The following COL26A1 variants were observed in gnomAD, a reference collection of about 807,000 sequenced individuals.
COL26A1 encodes the protein collagen alpha-1(XXVI) chain.
Under a neutral mutation model 59.3 loss-of-function variants are expected in COL26A1, and 41 were observed. The observed-to-expected ratio is 0.69, with a 90% CI of 0.54 to 0.90. The LOEUF (loss-of-function observed/expected upper bound fraction) is 0.90. COL26A1 is among the 40% of genes least tolerant of loss of function. The pLI, the probability that COL26A1 is intolerant of heterozygous loss-of-function variation, is 0.00. For missense variants in COL26A1, 612 were observed against 602.3 expected, an observed-to-expected ratio of 1.02 and a Z score of -0.17; for synonymous variants, 266 against 256.0, an observed-to-expected ratio of 1.04 and a Z score of -0.37.
Position 101,545,376 on chromosome 7 carries a change from G to C in COL26A1, c.742G>C (p.Glu248Gln). ...GPPGPRGLPG[E>Q]MGRPGPPGPP... ...TCCAGGGCCCCGTGGGCTTCCTGGA[G>C]AGATGGGGCGCCCCGGCCCCCCAGG... The change falls in exon 7 of 13, where the codon GAG becomes CAG. Residue 248 changes from glutamate (E) to glutamine (Q), a missense_variant. Glu to Gln is a conservative substitution (Grantham distance 29, BLOSUM62 2). Transcript: ENST00000313669. The C allele has an allele frequency of 6.3e-7, 1 of 1,587,588 alleles. No homozygotes were observed. Among genetic ancestry groups the C allele is most frequent in the Non-Finnish European group, 8.5e-7 (1 of 1,171,022 alleles).
intron 3 of COL26A1, among the ~76,000 whole-genome samples, chr7:101,524,135 G>A (rs1176254398): frequency 6.6e-6 from 1 of 151,988 alleles, no homozygotes; most frequent in Non-Finnish European, 1.5e-5. Context: ...GCCGGGCATG[G>A]TGGTGGGTGG....
At chr7:101,412,540 G>T (rs1252941989) in intron 1 of COL26A1, among the ~76,000 whole-genome samples, 2 of 151,718 alleles carry the variant, frequency 1.3e-5, no homozygotes, top group African/African-American at 2.4e-5. Context: ...AGCTACTAGG[G>T]AGGCTGAGAC....
chr7:101,538,911 C>A (rs985143729), intron 4 of COL26A1, among the ~76,000 whole-genome samples: 1 of 152,258 alleles, frequency 6.6e-6, no homozygotes, highest in South Asian at 2.1e-4. Context: ...CCTTCACGCC[C>A]CTCGGCCCCA....
At chr7:101,493,341 G>C (rs997109737) in intron 3 of COL26A1, among the ~76,000 whole-genome samples, 3 of 150,046 alleles carry the variant, frequency 2.0e-5, no homozygotes, top group African/African-American at 7.4e-5. Context: ...GTGTTTGCCT[G>C]GCAGGCTCTA....
intron 3 of COL26A1, among the ~76,000 whole-genome samples, chr7:101,502,195 A>G (rs1346550380): frequency 6.6e-6 from 1 of 152,216 alleles, no homozygotes; most frequent in Non-Finnish European, 1.5e-5. Context: ...TACAAAAATT[A>G]TCTGAGCATG....
chr7:101,376,979 C>A (rs1414825535), intron 1 of COL26A1, among the ~76,000 whole-genome samples: 1 of 152,140 alleles, frequency 6.6e-6, no homozygotes, highest in Admixed American at 6.6e-5. Flanking sequence ...CTGCCTCAGT[C>A]TCCCGAGTAG....
intron 1 of COL26A1, among the ~76,000 whole-genome samples, chr7:101,403,818 G>A (rs1019049445): frequency 2.0e-5 from 3 of 152,190 alleles, no homozygotes; most frequent in Non-Finnish European, 4.4e-5. Flanking sequence ...GATCCAGGCC[G>A]GGCACGGTGG....
chr7:101,445,539 G>A (rs1584413585), intron 2 of COL26A1, among the ~76,000 whole-genome samples: 2 of 146,758 alleles, frequency 1.4e-5, no homozygotes, highest in Admixed American at 1.4e-4. Context: ...AGACCATCCC[G>A]GCTAAAACGG....
At chr7:101,535,493 ATCC>A (rs2130645046) in intron 4 of COL26A1, among the ~76,000 whole-genome samples, 1 of 152,128 alleles carries the variant, frequency 6.6e-6, no homozygotes, top group African/African-American at 2.4e-5. Context: ...CCTGGCCCAC[ATCC>A]TCCCATCATG....
At chr7:101,485,847 T>C (rs902468007) in intron 3 of COL26A1, among the ~76,000 whole-genome samples, 3 of 152,108 alleles carry the variant, frequency 2.0e-5, no homozygotes, top group Admixed American at 6.6e-5. Context: ...ATCCTGTCTC[T>C]CAACCTCTGA....
intron 3 of COL26A1, among the ~76,000 whole-genome samples, chr7:101,489,658 TTTCTTCCTTCCTTCCTTCC>T (rs1794351367): frequency 1.4e-5 from 1 of 71,980 alleles, no homozygotes; most frequent in Non-Finnish European, 2.5e-5. Context: ...TCTTTCTTTC[TTTCTTCCTTCCTTCCTTCC>T]TTCCTTTCTT....
intron 3 of COL26A1, among the ~76,000 whole-genome samples, chr7:101,505,127 G>A (rs1794780566): frequency 6.6e-6 from 1 of 152,086 alleles, no homozygotes; most frequent in South Asian, 2.1e-4. Context: ...AAAAAAAAAA[G>A]TTATGTGTGT....
intron 1 of COL26A1, among the ~76,000 whole-genome samples, chr7:101,375,280 G>A (rs559462710): frequency 6.6e-5 from 10 of 152,162 alleles, no homozygotes; most frequent in Non-Finnish European, 1.2e-4. Flanking sequence ...TTAATCAAGC[G>A]CTTAGAACAA....
intron 3 of COL26A1, among the ~76,000 whole-genome samples, chr7:101,499,876 C>T (rs1794664107): frequency 1.2e-5 from 1 of 85,810 alleles, no homozygotes; most frequent in African/African-American, 1.0e-4. Context: ...GGAGTCCCTG[C>T]CTTAAAAAAA....
chr7:101,463,395 A>C (rs924646427), intron 3 of COL26A1, among the ~76,000 whole-genome samples: 5 of 152,110 alleles, frequency 3.3e-5, no homozygotes, highest in Non-Finnish European at 7.4e-5. Context: ...ATTACTATCC[A>C]TTCATCTGCC....
intron 3 of COL26A1, among the ~76,000 whole-genome samples, chr7:101,485,000 C>T (rs1001247702): frequency 4.0e-5 from 6 of 151,886 alleles, no homozygotes; most frequent in African/African-American, 9.7e-5. Context: ...TACAGGCATG[C>T]GCCACCAAGC....
rs565271257 is a variant in COL26A1, at chr7:101,546,930, T to C, written c.857-226T>C. On this transcript the variant is annotated intron_variant, in intron 7 of 12. Transcript: ENST00000313669. ...CCTGGAATGTTCTAGAAGGTATTTA[T>C]GTTTTATATGAAGCTGACCGACCTG... Among the ~76,000 whole-genome samples the C allele has an allele frequency of 9.6e-4, 146 of 152,324 alleles. 3 individuals are homozygous for C. The South Asian group carries it at 0.017, about 18-fold the overall frequency.
chr7:101,441,627 T>C (rs2130357562), intron 2 of COL26A1, among the ~76,000 whole-genome samples: 1 of 152,296 alleles, frequency 6.6e-6, no homozygotes, highest in South Asian at 2.1e-4. Flanking sequence ...CTATCATACC[T>C]ACTTTTATTG....
chr7:101,375,161 CCTGA>C (rs761891652), intron 1 of COL26A1, among the ~76,000 whole-genome samples: 27 of 152,142 alleles, frequency 1.8e-4, no homozygotes, highest in African/African-American at 5.3e-4. Flanking sequence ...TCTGTGTGGC[CCTGA>C]CTAAGTTGCC....
Sources: gnomAD v4.1 joint callset for allele counts (sites outside exome capture counted in the v4.1 genomes callset) on GRCh38, gnomAD v4.1.1 for gene constraint, MANE v1.5 for transcripts, NCBI Gene and HGNC (gene_info 2026-07-23, HGNC 2026-07-21) for gene names.